The following MAGI1 variants were observed in gnomAD, a reference collection of about 807,000 sequenced individuals.
The protein encoded by MAGI1 is membrane-associated guanylate kinase, WW and PDZ domain-containing protein 1.
In MAGI1, 58 loss-of-function variants were observed where a neutral mutation model predicts 139.9. The observed-to-expected ratio is 0.41, with a 90% CI of 0.34 to 0.52. MAGI1 has a LOEUF of 0.52. Ranked by LOEUF, MAGI1 falls within the 20% of genes least tolerant of loss-of-function variation. The pLI is 0.12. For missense variants in MAGI1, 1,874 were observed against 1,901.6 expected (o/e 0.99, Z 0.27); for synonymous variants, 812 against 737.9 (o/e 1.10, Z -1.63).
At chr3:65,615,777 T>C (rs372447513) in intron 2 of MAGI1, among the ~76,000 whole-genome samples, 1 of 152,216 alleles carries the variant, frequency 6.6e-6, no homozygotes, top group Non-Finnish European at 1.5e-5. Context: ...ATCCCATGAT[T>C]TTTTAATTTG....
chr3:65,757,764 T>C (rs1464748150), intron 1 of MAGI1, among the ~76,000 whole-genome samples: 1 of 152,246 alleles, frequency 6.6e-6, no homozygotes, highest in African/African-American at 2.4e-5. Flanking sequence ...AGCCACATGA[T>C]TTAAAGAAAG....
At chr3:65,370,568 A>G (rs1020828043) in intron 18 of MAGI1, among the ~76,000 whole-genome samples, 2 of 152,194 alleles carry the variant, frequency 1.3e-5, no homozygotes, top group African/African-American at 4.8e-5. Flanking sequence ...TATAATGCCA[A>G]CTGTTATTGG....
At position 65,930,460 on chromosome 3, in the gene MAGI1, G is replaced by T. The variant is rs958724490; in HGVS notation, c.313+107536C>A. On this transcript the variant is annotated intron_variant, in intron 1 of 22. Transcript: ENST00000402939. ...AAAATGTCCACTTGTGGCCAGGCACGGTGGCTCACACCTGTGGTTCCAGCA... is the reference window on the plus strand; with the variant it reads ...AAAATGTCCACTTGTGGCCAGGCACTGTGGCTCACACCTGTGGTTCCAGCA... Among the ~76,000 whole-genome samples, 3 of 151,576 alleles carry T rather than the reference G, an allele frequency of 2.0e-5. No individual in the cohort carries two copies. In the South Asian group the frequency reaches 6.2e-4, roughly 31 times the overall value.
At chr3:65,734,665 C>T (rs1424456334) in intron 1 of MAGI1, among the ~76,000 whole-genome samples, 1 of 152,016 alleles carries the variant, frequency 6.6e-6, no homozygotes, top group Non-Finnish European at 1.5e-5. Flanking sequence ...ATTGAAAACT[C>T]TTTAGTGACT....
intron 2 of MAGI1, among the ~76,000 whole-genome samples, chr3:65,542,349 G>C (rs2079273422): frequency 6.6e-6 from 1 of 152,148 alleles, no homozygotes; most frequent in Non-Finnish European, 1.5e-5. Flanking sequence ...ACTTTTCAAA[G>C]TAAGTTTTAG....
intron 5 of MAGI1, among the ~76,000 whole-genome samples, chr3:65,462,519 T>C (rs1559575934): frequency 6.6e-6 from 1 of 152,210 alleles, no homozygotes; most frequent in African/African-American, 2.4e-5. Context: ...TCGGTTACTG[T>C]AGCCTTGTAG....
chr3:65,449,580 G>T (rs925162119), intron 6 of MAGI1, among the ~76,000 whole-genome samples: 1 of 152,012 alleles, frequency 6.6e-6, no homozygotes, highest in African/African-American at 2.4e-5. Context: ...TTCGAGACCA[G>T]CCTGGCCAAC....
At chr3:65,531,163 A>C (rs2078695561) in intron 2 of MAGI1, among the ~76,000 whole-genome samples, 1 of 151,980 alleles carries the variant, frequency 6.6e-6, no homozygotes. Flanking sequence ...GGACACAAAA[A>C]AAAAATCTGA....
At chr3:65,663,820 G>C (rs1245588053) in intron 1 of MAGI1, among the ~76,000 whole-genome samples, 1 of 152,112 alleles carries the variant, frequency 6.6e-6, no homozygotes, top group African/African-American at 2.4e-5. Flanking sequence ...GTCAGTAGTA[G>C]TACCTCCCCG....
chr3:65,778,030 A>G (rs2038608763), intron 1 of MAGI1, among the ~76,000 whole-genome samples: 2 of 152,208 alleles, frequency 1.3e-5, no homozygotes, highest in Admixed American at 1.3e-4. Flanking sequence ...TAATGAGTAC[A>G]TACATCATAT....
intron 1 of MAGI1, among the ~76,000 whole-genome samples, chr3:66,007,986 T>A (rs2107485130): frequency 6.9e-6 from 1 of 145,980 alleles, no homozygotes; most frequent in African/African-American, 2.5e-5. Context: ...AACCTCCGCC[T>A]CCCAGGTTCA....
intron 12 of MAGI1, among the ~76,000 whole-genome samples, chr3:65,418,507 C>A (rs947627967): frequency 2.6e-5 from 4 of 152,152 alleles, no homozygotes; most frequent in African/African-American, 4.8e-5. Flanking sequence ...ACAGTTTACA[C>A]AGACTAACCC....
At chr3:65,818,960 A>T (rs1256215892) in intron 1 of MAGI1, among the ~76,000 whole-genome samples, 7 of 152,214 alleles carry the variant, frequency 4.6e-5, no homozygotes, top group Admixed American at 4.6e-4. Flanking sequence ...CTGTACCCTC[A>T]GAAAAATTTA....
At chr3:65,458,068 G>A (rs9812858) in intron 5 of MAGI1, among the ~76,000 whole-genome samples, 1,766 of 152,126 alleles carry the variant, frequency 0.012, 40 homozygotes, top group African/African-American at 0.04. Context: ...TTCAGTGCCT[G>A]GCTTATTTCA....
intron 1 of MAGI1, among the ~76,000 whole-genome samples, chr3:65,666,566 G>A (rs1183008485): frequency 1.3e-5 from 2 of 152,200 alleles, no homozygotes; most frequent in Non-Finnish European, 2.9e-5. Flanking sequence ...GAGAAGCCCT[G>A]AAGGGAAGAT....
chr3:65,767,053 T>A (rs918241838), intron 1 of MAGI1, among the ~76,000 whole-genome samples: 6 of 152,146 alleles, frequency 3.9e-5, no homozygotes, highest in African/African-American at 9.7e-5. Context: ...CATAAGTGCA[T>A]GGTCTAGATT....
intron 5 of MAGI1, among the ~76,000 whole-genome samples, chr3:65,457,698 A>G (rs1949496590): frequency 1.3e-5 from 2 of 152,110 alleles, no homozygotes; most frequent in African/African-American, 4.8e-5. Context: ...CATATTTATG[A>G]GGTGTAGAAG....
intron 1 of MAGI1, among the ~76,000 whole-genome samples, chr3:65,927,789 T>C (rs1490384735): frequency 6.6e-6 from 1 of 152,132 alleles, no homozygotes; most frequent in Non-Finnish European, 1.5e-5. Context: ...GAAGGGACTC[T>C]TAGGCTCATT....
intron 1 of MAGI1, among the ~76,000 whole-genome samples, chr3:65,669,584 C>T (rs867063742): frequency 6.6e-6 from 1 of 152,230 alleles, no homozygotes; most frequent in African/African-American, 2.4e-5. Context: ...TAAACCACTT[C>T]CACCGCTTAG....
Sources: allele counts gnomAD v4.1 joint callset (sites outside exome capture counted in the v4.1 genomes callset), GRCh38; gene constraint gnomAD v4.1.1; transcripts MANE v1.5; gene names NCBI Gene and HGNC (gene_info 2026-07-23, HGNC 2026-07-21).